Variants in NUF2 observed in about 807,000 individuals in gnomAD.
NUF2 encodes the protein kinetochore protein Nuf2.
In NUF2, 34 loss-of-function variants were observed where a neutral mutation model predicts 61.8. That is an observed-to-expected ratio of 0.55 (90% CI 0.42 to 0.73). The LOEUF (loss-of-function observed/expected upper bound fraction) is 0.73, where lower values mean the gene tolerates loss of function less well. NUF2 is among the 30% of genes least tolerant of loss of function. NUF2 has a pLI of 0.00. For synonymous variants in NUF2, 172 were observed against 181.6 expected (o/e 0.95, Z 0.42); for missense variants, 445 against 539.1 (o/e 0.83, Z 1.73).
At position 163,337,581 on chromosome 1, in the gene NUF2, T is replaced by A. The variant is rs188836989; in HGVS notation, c.436-439T>A. 1.1e-3 allele frequency among the ~76,000 whole-genome samples: 162 copies of A among 152,206 alleles called. 1 individual carries two copies. The highest frequency in any genetic ancestry group is 3.7e-3 in the African/African-American group (152 of 41,570). ...ATGTGCCAACATACACACACTCTCA[T>A]AATTTTGCTTGGTTAATTACTATCT... On this transcript the variant is annotated intron_variant, in intron 6 of 13. Coordinates refer to ENST00000271452, the MANE Select transcript of NUF2 (RefSeq NM_145697.3).
At chr1:163,335,700 C>G (rs183392464) in intron 5 of NUF2, among the ~76,000 whole-genome samples, 1 of 151,904 alleles carries the variant, frequency 6.6e-6, no homozygotes, top group Non-Finnish European at 1.5e-5. Flanking sequence ...CTGTAAAAGT[C>G]TTTTTGTCCC....
chr1:163,340,755 C>T (rs2101681100), intron 9 of NUF2, among the ~76,000 whole-genome samples: 1 of 152,172 alleles, frequency 6.6e-6, no homozygotes, highest in South Asian at 2.1e-4. Context: ...TTTTTCTCCA[C>T]TTAGCGATAT....
At chr1:163,334,392 G>A (rs980416919) in intron 5 of NUF2, among the ~76,000 whole-genome samples, 1 of 151,980 alleles carries the variant, frequency 6.6e-6, no homozygotes, top group African/African-American at 2.4e-5. Flanking sequence ...ATTTCCATCT[G>A]GTATGATTTT....
intron 9 of NUF2, among the ~76,000 whole-genome samples, chr1:163,340,861 C>A (rs1650920450): frequency 6.6e-6 from 1 of 152,028 alleles, no homozygotes; most frequent in Non-Finnish European, 1.5e-5. Context: ...TCCTTTTAAT[C>A]CCCTTCTGAT....
chr1:163,347,878 C>CGAGG lies in NUF2; in HGVS notation c.1064_1065insGAGG (p.Gln356ArgfsTer7). On this transcript the variant is annotated frameshift_variant, in exon 12 of 14. Transcript: ENST00000271452. LOFTEE classifies it high-confidence loss of function. The stretch of plus-strand genomic sequence containing the variant: ...GTGAAGAAGGAAAAACTTGCCACAG[C>CGAGG]ACAATTCAAAATAAATAAGAAGCAT... The CGAGG allele has an allele frequency of 1.9e-6, 3 of 1,609,678 alleles. No homozygotes were observed. Among genetic ancestry groups the CGAGG allele is most frequent in the Non-Finnish European group, 2.5e-6 (3 of 1,178,580 alleles).
intron 7 of NUF2, chr1:163,339,144 T>C: frequency 2.4e-6 from 1 of 423,444 alleles, no homozygotes; most frequent in South Asian, 3.6e-5. Flanking sequence ...AGGATAGGTA[T>C]GTGTGTGGAT....
At chr1:163,325,307 C>T (rs1354915904) in intron 1 of NUF2, among the ~76,000 whole-genome samples, 2 of 152,086 alleles carry the variant, frequency 1.3e-5, no homozygotes, top group African/African-American at 4.8e-5. Context: ...CTAGTTGCAC[C>T]CACACTCCTG....
intron 7 of NUF2, 135 bp downstream of exon 7, chr1:163,338,228 G>T (rs987603887): frequency 3.1e-4 from 126 of 408,126 alleles, no homozygotes; most frequent in South Asian, 1.7e-3. Flanking sequence ...ATTTGAGTTT[G>T]CCTTTTCTTA....
intron 7 of NUF2, among the ~76,000 whole-genome samples, chr1:163,338,761 A>AT (rs1360706295): frequency 1.3e-5 from 2 of 152,118 alleles, no homozygotes; most frequent in Admixed American, 6.5e-5. Context: ...TTTGCAGCAC[A>AT]TGCCACAAAG....
At chr1:163,349,762 C>T (rs193036498) in intron 13 of NUF2, among the ~76,000 whole-genome samples, 1 of 151,916 alleles carries the variant, frequency 6.6e-6, no homozygotes, top group Non-Finnish European at 1.5e-5. Flanking sequence ...CACATGTGAG[C>T]ATTATCTTAA....
intron 5 of NUF2, 103 bp downstream of exon 5, chr1:163,329,010 A>T (rs1650517976): frequency 1.8e-6 from 1 of 566,142 alleles, no homozygotes; most frequent in Non-Finnish European, 3.1e-6. Context: ...AAACAACTTC[A>T]AGGAAATTGC....
intron 2 of NUF2, among the ~76,000 whole-genome samples, chr1:163,327,086 G>A (rs1269888584): frequency 7.3e-6 from 1 of 136,158 alleles, no homozygotes; most frequent in Non-Finnish European, 1.6e-5. Context: ...CAGCAAACAA[G>A]GTTTCCTGTG....
At chr1:163,332,279 A>AT (rs1367443186) in intron 5 of NUF2, among the ~76,000 whole-genome samples, 1 of 151,524 alleles carries the variant, frequency 6.6e-6, no homozygotes, top group East Asian at 1.9e-4. Context: ...ATATTTGGGG[A>AT]TTTTCCCACA....
intron 1 of NUF2, chr1:163,323,189 A>G (rs1207946316): frequency 6.6e-6 from 1 of 152,206 alleles, no homozygotes; most frequent in Non-Finnish European, 1.5e-5. Context: ...AACATTAGAG[A>G]AGAGAGGAAC....
chr1:163,349,709 C>T (rs1255236113), intron 13 of NUF2, among the ~76,000 whole-genome samples: 1 of 152,250 alleles, frequency 6.6e-6, no homozygotes, highest in South Asian at 2.1e-4. Context: ...CTTATCTGTT[C>T]TCAGTACCTT....
In NUF2 at chr1:163,349,460, C is replaced by T. The variant is rs573336724; in HGVS notation, c.1260+380C>T. ...GATTTATGTCTTCAAGAGTGTTCTA[C>T]CAGAACAATAGTTCAAACTGCTCTG... On this transcript the variant is annotated intron_variant, in intron 13 of 13. Coordinates refer to ENST00000271452, the MANE Select transcript of NUF2 (RefSeq NM_145697.3). Among the ~76,000 whole-genome samples the T allele has an allele frequency of 1.4e-4, 22 of 152,178 alleles. 1 individual carries two copies. The South Asian group carries it at 4.4e-3, about 30-fold the overall frequency.
intron 10 of NUF2, 99 bp downstream of exon 10, chr1:163,343,969 A>T: frequency 4.6e-6 from 3 of 653,534 alleles, no homozygotes; most frequent in Non-Finnish European, 6.8e-6. Context: ...TGAATTATCT[A>T]TACTTCTCTT....
intron 7 of NUF2, 78 bp from the exon 8 acceptor site, chr1:163,339,303 A>G: frequency 1.3e-6 from 1 of 797,988 alleles, no homozygotes. Flanking sequence ...TCTTCATCTC[A>G]GTTATTTGAG....
intron 5 of NUF2, 71 bp downstream of exon 5, chr1:163,328,978 T>TAAAAA: frequency 2.1e-6 from 1 of 474,432 alleles, no homozygotes; most frequent in Non-Finnish European, 3.5e-6. Flanking sequence ...TCAGTAAATG[T>TAAAAA]AAAAAAAAAA....
Sources: allele counts gnomAD v4.1 joint callset (sites outside exome capture counted in the v4.1 genomes callset), GRCh38; gene constraint gnomAD v4.1.1; transcripts MANE v1.5; gene names NCBI Gene and HGNC (gene_info 2026-07-23, HGNC 2026-07-21).